Variants in GAS7 observed in about 807,000 individuals in gnomAD.
GAS7 encodes growth arrest-specific protein 7.
Under a neutral mutation model 71.1 loss-of-function variants are expected in GAS7, and 28 were observed. The observed-to-expected ratio is 0.39, with a 90% CI of 0.29 to 0.54. The LOEUF is 0.54. Ranked by LOEUF, GAS7 falls within the 20% of genes least tolerant of loss-of-function variation. The pLI is 0.62. For missense variants in GAS7, 436 were observed against 627.8 expected, an observed-to-expected ratio of 0.69 and a Z score of 3.27; for synonymous variants, 258 against 245.8, an observed-to-expected ratio of 1.05 and a Z score of -0.46.
intron 3 of GAS7, among the ~76,000 whole-genome samples, chr17:9,972,104 A>T (rs560440147): frequency 2.6e-5 from 4 of 152,362 alleles, no homozygotes; most frequent in African/African-American, 9.6e-5. Context: ...GATCCACAGC[A>T]GGCCCCTAGT....
chr17:10,003,755 G>A (rs2071362626), intron 2 of GAS7, among the ~76,000 whole-genome samples: 1 of 152,148 alleles, frequency 6.6e-6, no homozygotes, highest in South Asian at 2.1e-4. Flanking sequence ...CCATCTCAGT[G>A]CCCCTTCTGC....
At chr17:10,119,210 C>G (rs2073886523) in intron 1 of GAS7, among the ~76,000 whole-genome samples, 1 of 152,160 alleles carries the variant, frequency 6.6e-6, no homozygotes, top group South Asian at 2.1e-4. Flanking sequence ...GGGAATAGAA[C>G]ATGGTAAAGG....
chr17:10,022,428 A>G (rs1259519884), intron 1 of GAS7, among the ~76,000 whole-genome samples: 1 of 152,210 alleles, frequency 6.6e-6, no homozygotes, highest in African/African-American at 2.4e-5. Flanking sequence ...GGGAGGAAAT[A>G]GGAAGGATCA....
In GAS7 at chr17:9,910,713, A is replaced by G; in HGVS notation, c.*6515T>C. The G allele has an allele frequency of 4.6e-6, 1 of 218,192 alleles. No individual in the cohort carries two copies. Among genetic ancestry groups the G allele is most frequent in the Non-Finnish European group, 9.2e-6 (1 of 108,548 alleles). 13.5% of individuals were successfully genotyped at this position (218,192 alleles called of 1,614,324 possible). A position where few individuals can be genotyped will look rare whatever the true frequency, so the allele number is the denominator to read the frequency against. On this transcript the variant is annotated 3_prime_UTR_variant, in exon 14 of 14. Coordinates refer to ENST00000432992, the MANE Select transcript of GAS7 (RefSeq NM_201433.2). ...TTAATTCTTCAGCATTAATACACAC[A>G]AATGCGGTAACAGGGGTCAGGGGGG...
intron 1 of GAS7, among the ~76,000 whole-genome samples, chr17:10,134,832 T>C (rs2142090816): frequency 6.8e-6 from 1 of 146,426 alleles, no homozygotes; most frequent in South Asian, 2.2e-4. Flanking sequence ...CATATTTACA[T>C]CCACTTTTTT....
intron 1 of GAS7, among the ~76,000 whole-genome samples, chr17:10,168,657 T>C (rs1437472925): frequency 6.6e-6 from 1 of 152,210 alleles, no homozygotes; most frequent in Non-Finnish European, 1.5e-5. Flanking sequence ...GTCTAATTTG[T>C]ATATTAATTG....
intron 2 of GAS7, among the ~76,000 whole-genome samples, chr17:9,983,181 A>G (rs1260786180): frequency 6.6e-6 from 1 of 152,090 alleles, no homozygotes; most frequent in Non-Finnish European, 1.5e-5. Flanking sequence ...TTATGTATAA[A>G]TTTTTGTGAA....
chr17:9,914,541 T>C lies in GAS7; in HGVS notation c.*2687A>G. Reference sequence around the variant, plus strand: ...GTGCCCGACCCTTATTTGTAAAGAGTTATTTAAAGCAAACAGAGAAATTTC... The same window carrying C: ...GTGCCCGACCCTTATTTGTAAAGAGCTATTTAAAGCAAACAGAGAAATTTC... On this transcript the variant is annotated 3_prime_UTR_variant, in exon 14 of 14. Coordinates refer to ENST00000432992, the MANE Select transcript of GAS7 (RefSeq NM_201433.2). The C allele has an allele frequency of 5.2e-6, 1 of 192,680 alleles. No homozygotes were observed. The highest frequency in any genetic ancestry group is 1.1e-5 in the Non-Finnish European group (1 of 92,274). 11.9% of individuals were successfully genotyped at this position (192,680 alleles called of 1,614,324 possible). A position where few individuals can be genotyped will look rare whatever the true frequency, so the allele number is the denominator to read the frequency against.
rs2072693482 is a variant in GAS7, at chr17:10,034,296, A to G, written c.184-14399T>C. ...AGGGCTTTCATATATACATATATATAGCCTAATACTTAATAATTCTTTTTT... is the reference window on the plus strand; with the variant it reads ...AGGGCTTTCATATATACATATATATGGCCTAATACTTAATAATTCTTTTTT... On this transcript the variant is annotated intron_variant, in intron 1 of 13. Transcript: ENST00000432992. This position sits in a 1 kb window ranked among gnomAD's most constrained non-coding sequence, Gnocchi z 4.4. 1 of 736,370 alleles carries G rather than the reference A, an allele frequency of 1.4e-6. No individual in the cohort carries two copies. Among genetic ancestry groups the G allele is most frequent in the Non-Finnish European group, 1.7e-6 (1 of 603,418 alleles). The allele number at this position is 736,370 out of a possible 1,614,324, so 45.6% of individuals were successfully genotyped here.
chr17:9,928,107 T>TA (rs1555590424), intron 9 of GAS7, among the ~76,000 whole-genome samples: 28 of 148,172 alleles, frequency 1.9e-4, no homozygotes, highest in African/African-American at 6.9e-4. Context: ...TTTATTTATT[T>TA]TTTATTTATT....
intron 11 of GAS7, among the ~76,000 whole-genome samples, chr17:9,923,907 G>A (rs1426810508): frequency 6.6e-6 from 1 of 152,038 alleles, no homozygotes; most frequent in East Asian, 1.9e-4. Context: ...AACAAATTTG[G>A]GTACAATCAT....
chr17:10,065,500 GC>G (rs1359386212), intron 1 of GAS7, among the ~76,000 whole-genome samples: 1 of 152,096 alleles, frequency 6.6e-6, no homozygotes, highest in Non-Finnish European at 1.5e-5. Context: ...GCATTCCTTG[GC>G]TTGTGGCTGC....
chr17:10,181,544 T>G (rs949318728), intron 1 of GAS7, among the ~76,000 whole-genome samples: 1 of 152,142 alleles, frequency 6.6e-6, no homozygotes, highest in African/African-American at 2.4e-5. Flanking sequence ...TAGTTCCATG[T>G]GGTTCTGATA....
At chr17:9,957,414 C>G (rs1345189586) in intron 5 of GAS7, among the ~76,000 whole-genome samples, 2 of 152,344 alleles carry the variant, frequency 1.3e-5, no homozygotes, top group African/African-American at 4.8e-5. Context: ...CGGCCACACC[C>G]GAAGCCCTGG....
chr17:10,140,137 C>T (rs1354211611), intron 1 of GAS7, among the ~76,000 whole-genome samples: 2 of 152,168 alleles, frequency 1.3e-5, no homozygotes, highest in African/African-American at 4.8e-5. Flanking sequence ...CCCACAATGA[C>T]ATAAGACTAA....
At chr17:9,984,033 C>T (rs1404250090) in intron 2 of GAS7, among the ~76,000 whole-genome samples, 2 of 152,052 alleles carry the variant, frequency 1.3e-5, no homozygotes, top group Non-Finnish European at 2.9e-5. Context: ...AGATACTGTA[C>T]CAATACCAAA....
chr17:10,016,262 G>A (rs1489222651), intron 2 of GAS7, among the ~76,000 whole-genome samples: 1 of 151,874 alleles, frequency 6.6e-6, no homozygotes, highest in Non-Finnish European at 1.5e-5. Context: ...GCAGGCACCT[G>A]TAGTCCCAGA....
At chr17:10,042,241 G>A (rs939266667) in intron 1 of GAS7, among the ~76,000 whole-genome samples, 1 of 149,862 alleles carries the variant, frequency 6.7e-6, no homozygotes, top group Non-Finnish European at 1.5e-5. Context: ...GTTGCAGTGA[G>A]CTGAGATAGT....
chr17:10,084,894 G>A (rs931950027), intron 1 of GAS7, among the ~76,000 whole-genome samples: 5 of 152,234 alleles, frequency 3.3e-5, no homozygotes, highest in East Asian at 1.9e-4. Context: ...AGCGGTCCCC[G>A]GTGGCTCCTT....
Sources: gnomAD v4.1 joint callset for allele counts (sites outside exome capture counted in the v4.1 genomes callset) on GRCh38, gnomAD v4.1.1 for gene constraint, Gnocchi (gnomAD v3.1) non-coding constraint, MANE v1.5 for transcripts, NCBI Gene and HGNC (gene_info 2026-07-23, HGNC 2026-07-21) for gene names.